Variants in GUCY1A2 observed in about 807,000 individuals in gnomAD.
The protein encoded by GUCY1A2 is guanylate cyclase soluble subunit alpha-2.
Under a neutral mutation model 63.5 loss-of-function variants are expected in GUCY1A2, and 27 were observed. The ratio of observed to expected loss-of-function variants is 0.43; its 90% CI spans 0.31 to 0.59. The LOEUF (loss-of-function observed/expected upper bound fraction) is 0.59, where lower values mean the gene tolerates loss of function less well. GUCY1A2 is among the 20% of genes least tolerant of loss of function. The probability of loss-of-function intolerance (pLI) is 0.11; values close to 1 mark genes in which losing one functional copy is unlikely to be tolerated. For synonymous variants in GUCY1A2, 364 were observed against 343.5 expected (o/e 1.06, Z -0.66); for missense variants, 768 against 913.3 (o/e 0.84, Z 2.05).
intron 3 of GUCY1A2, among the ~76,000 whole-genome samples, 159 bp downstream of exon 3, chr11:106,978,460 A>G (rs1861290977): frequency 6.6e-6 from 1 of 152,126 alleles, no homozygotes; most frequent in African/African-American, 2.4e-5. Flanking sequence ...TTCCACTCAA[A>G]CATCTTCAGG....
chr11:106,728,305 C>T (rs1251221552), intron 6 of GUCY1A2, among the ~76,000 whole-genome samples: 3 of 152,108 alleles, frequency 2.0e-5, no homozygotes, highest in Non-Finnish European at 1.5e-5. Context: ...CTTTCTCTCA[C>T]CCTTTACTAG....
intron 5 of GUCY1A2, among the ~76,000 whole-genome samples, chr11:106,803,224 C>G (rs547653822): frequency 6.6e-6 from 1 of 152,142 alleles, no homozygotes; most frequent in Non-Finnish European, 1.5e-5. Flanking sequence ...AGACATCCCA[C>G]GAGTCATTCT....
At position 106,725,125 on chromosome 11, in the gene GUCY1A2, C is replaced by CTATG. The variant is rs141747353; in HGVS notation, c.1837-16463_1837-16460dup. On this transcript the variant is annotated intron_variant, in intron 6 of 7. Coordinates refer to ENST00000526355, the MANE Select transcript of GUCY1A2 (RefSeq NM_000855.3). ...AACAACTCAGATATTTATGATATTT[C>CTATG]TATGTATCTTCTTATTGACATAAAT... Among the ~76,000 whole-genome samples, 323 of 120,988 alleles carry CTATG rather than the reference C, an allele frequency of 2.7e-3. 4 individuals are homozygous for CTATG. The highest frequency in any genetic ancestry group is 4.7e-3 in the Non-Finnish European group (265 of 56,490). The allele number at this position is 120,988 out of a possible 152,430, so 79.4% of individuals were successfully genotyped here.
chr11:106,679,635 C>G lies in GUCY1A2; in HGVS notation c.*7914G>C, dbSNP rs1421419938. 1 of 212,712 alleles carries G rather than the reference C, an allele frequency of 4.7e-6. No homozygotes were observed. 13.2% of individuals were successfully genotyped at this position (212,712 alleles called of 1,614,324 possible). ...TCTTCTCACTGAATGCTAGCTCAGC[C>G]AGGCATGTTATAAAAGGAAAAAATA... On this transcript the variant is annotated 3_prime_UTR_variant, in exon 8 of 8. Coordinates refer to ENST00000526355, the MANE Select transcript of GUCY1A2 (RefSeq NM_000855.3).
At chr11:106,781,451 A>T (rs1864462007) in intron 5 of GUCY1A2, among the ~76,000 whole-genome samples, 1 of 151,854 alleles carries the variant, frequency 6.6e-6, no homozygotes, top group Non-Finnish European at 1.5e-5. Context: ...TAAAACTTTG[A>T]AGAATTTGCC....
chr11:106,826,930 T>C, intron 4 of GUCY1A2: 1 of 1,610,080 alleles, frequency 6.2e-7, no homozygotes, highest in Non-Finnish European at 8.5e-7. Flanking sequence ...AGGTTCTATA[T>C]TCGGTGTAAC....
intron 7 of GUCY1A2, among the ~76,000 whole-genome samples, chr11:106,703,806 TTACA>T (rs1355499772): frequency 6.6e-6 from 1 of 151,820 alleles, no homozygotes; most frequent in Non-Finnish European, 1.5e-5. Flanking sequence ...ATATATACGA[TTACA>T]TACATATATA....
At chr11:106,780,487 T>C (rs551310603) in intron 5 of GUCY1A2, among the ~76,000 whole-genome samples, 1 of 152,228 alleles carries the variant, frequency 6.6e-6, no homozygotes, top group Admixed American at 6.5e-5. Context: ...CTGTGCCACA[T>C]CTCTTCACTC....
intron 4 of GUCY1A2, among the ~76,000 whole-genome samples, chr11:106,938,685 C>A (rs1356806065): frequency 1.3e-5 from 2 of 152,228 alleles, no homozygotes; most frequent in East Asian, 3.9e-4. Flanking sequence ...TTTTTCTTTA[C>A]ATTTTATTAT....
At chr11:106,730,644 G>T (rs1476267728) in intron 6 of GUCY1A2, among the ~76,000 whole-genome samples, 1 of 152,082 alleles carries the variant, frequency 6.6e-6, no homozygotes. Context: ...TAATGGGATT[G>T]CTGGGTTGAA....
At chr11:106,761,320 T>G (rs1012771263) in intron 6 of GUCY1A2, among the ~76,000 whole-genome samples, 3 of 152,348 alleles carry the variant, frequency 2.0e-5, no homozygotes, top group African/African-American at 7.2e-5. Flanking sequence ...CCTAAGCTAC[T>G]ATATAATTAT....
intron 4 of GUCY1A2, among the ~76,000 whole-genome samples, chr11:106,923,870 T>G (rs1591329226): frequency 6.6e-6 from 1 of 152,250 alleles, no homozygotes; most frequent in East Asian, 1.9e-4. Context: ...AGAGGAAATT[T>G]TCGTGGGGTA....
chr11:106,760,783 A>T (rs1433959388), intron 6 of GUCY1A2, among the ~76,000 whole-genome samples: 3 of 152,180 alleles, frequency 2.0e-5, no homozygotes, highest in Admixed American at 2.0e-4. Context: ...TCATTTCCAT[A>T]GAAAATACTA....
chr11:106,883,086 G>A (rs976428876), intron 4 of GUCY1A2, among the ~76,000 whole-genome samples: 2 of 151,992 alleles, frequency 1.3e-5, no homozygotes, highest in African/African-American at 4.8e-5. Flanking sequence ...ACACATTGAA[G>A]GTATCTAGAG....
At chr11:106,972,658 A>G (rs1044437734) in intron 3 of GUCY1A2, among the ~76,000 whole-genome samples, 2 of 152,158 alleles carry the variant, frequency 1.3e-5, no homozygotes, top group Admixed American at 1.3e-4. Context: ...CACAAGATTC[A>G]GAAGAAGATG....
At chr11:106,885,405 C>T (rs927200553) in intron 4 of GUCY1A2, among the ~76,000 whole-genome samples, 1 of 152,150 alleles carries the variant, frequency 6.6e-6, no homozygotes, top group Non-Finnish European at 1.5e-5. Flanking sequence ...GCATGGGACG[C>T]TCTGACCATG....
chr11:106,816,893 A>G (rs1858839784), intron 4 of GUCY1A2, among the ~76,000 whole-genome samples: 1 of 152,034 alleles, frequency 6.6e-6, no homozygotes, highest in African/African-American at 2.4e-5. Context: ...CCAAAACTCA[A>G]CCAAGATGAA....
At chr11:106,710,488 A>C (rs1863097849) in intron 6 of GUCY1A2, among the ~76,000 whole-genome samples, 1 of 148,750 alleles carries the variant, frequency 6.7e-6, no homozygotes, top group African/African-American at 2.5e-5. Context: ...GGTATTCAAC[A>C]TTAGTGATAA....
intron 1 of GUCY1A2, among the ~76,000 whole-genome samples, chr11:106,988,684 C>T (rs1419730673): frequency 6.6e-6 from 1 of 152,208 alleles, no homozygotes; most frequent in Non-Finnish European, 1.5e-5. Flanking sequence ...TATGCACTTC[C>T]TATTTCTTGC....
Sources: allele counts gnomAD v4.1 joint callset (sites outside exome capture counted in the v4.1 genomes callset), GRCh38; gene constraint gnomAD v4.1.1; transcripts MANE v1.5; gene names NCBI Gene and HGNC (gene_info 2026-07-23, HGNC 2026-07-21).